The following ODAD2 variants were observed in gnomAD, a reference collection of about 807,000 sequenced individuals.
ODAD2 encodes the protein outer dynein arm docking complex subunit 2.
ODAD2 carries 89 observed loss-of-function variants against 106.8 expected under a neutral mutation model. The observed-to-expected ratio is 0.83, with a 90% CI of 0.70 to 0.99. The LOEUF is 0.99. ODAD2 is among the 50% of genes least tolerant of loss of function. The pLI, the probability that ODAD2 is intolerant of heterozygous loss-of-function variation, is 0.00. For missense variants in ODAD2, 1,168 were observed against 1,238.5 expected, an observed-to-expected ratio of 0.94 and a Z score of 0.85; for synonymous variants, 404 against 436.2, an observed-to-expected ratio of 0.93 and a Z score of 0.92.
chr10:27,921,046 G>A lies in ODAD2; in HGVS notation c.2496-13269C>T, dbSNP rs1931890. Among the ~76,000 whole-genome samples the A allele has an allele frequency of 3.0e-3, 459 of 152,246 alleles. 5 individuals are homozygous for A. The highest frequency in any genetic ancestry group is 0.011 in the African/African-American group (446 of 41,532). On this transcript the variant is annotated intron_variant, in intron 16 of 19. Coordinates refer to ENST00000305242, the MANE Select transcript of ODAD2 (RefSeq NM_018076.5). The stretch of plus-strand genomic sequence containing the variant: ...GTCCAACAAATGTTTACTTTACAAC[G>A]TGTGGAAGGAAAATATTTTGTAAGA...
At chr10:27,931,938 T>A (rs550758196) in intron 16 of ODAD2, among the ~76,000 whole-genome samples, 2 of 151,860 alleles carry the variant, frequency 1.3e-5, no homozygotes, top group East Asian at 3.9e-4. Context: ...AAATCAAAAG[T>A]GCATTTAATA....
At chr10:27,981,724 G>A in intron 6 of ODAD2, 142 bp from the exon 7 acceptor site, 1 of 584,592 alleles carries the variant, frequency 1.7e-6, no homozygotes. Flanking sequence ...AAATGTATAG[G>A]CAAAATCCTT....
At chr10:27,885,102 G>C (rs1443375877) in intron 17 of ODAD2, among the ~76,000 whole-genome samples, 1 of 151,778 alleles carries the variant, frequency 6.6e-6, no homozygotes. Flanking sequence ...AGACTTACTA[G>C]ACAAAGATGT....
At chr10:27,871,422 T>A (rs1158051919) in intron 17 of ODAD2, among the ~76,000 whole-genome samples, 1 of 152,246 alleles carries the variant, frequency 6.6e-6, no homozygotes, top group Non-Finnish European at 1.5e-5. Flanking sequence ...AGACATGAAG[T>A]CCTTGCCCAT....
At chr10:27,881,481 T>G (rs540987126) in intron 17 of ODAD2, among the ~76,000 whole-genome samples, 1 of 150,744 alleles carries the variant, frequency 6.6e-6, no homozygotes, top group African/African-American at 2.4e-5. Context: ...AAAAAAAAAA[T>G]TAAAAATTAA....
Position 27,812,542 on chromosome 10 carries a change from A to T in ODAD2, c.3105T>A (p.Ala1035=). ...TGTATCTTGCCTTCTCTGTAGCAAG[A>T]GCCAGCCTGCGGATATTGGATATAC... The part of the protein sequence containing the change: ...AGCISNIRRL[A]LATEKARYT The change falls in exon 20 of 20, where the codon GCT becomes GCA. Residue 1035 remains alanine, a synonymous_variant. Coordinates refer to ENST00000305242, the MANE Select transcript of ODAD2 (RefSeq NM_018076.5). 6.2e-7 allele frequency: 1 copy of T among 1,613,356 alleles called. No homozygotes were observed. Among genetic ancestry groups the T allele is most frequent in the Non-Finnish European group, 8.5e-7 (1 of 1,179,836 alleles).
At chr10:27,909,106 T>C (rs932848102) in intron 16 of ODAD2, among the ~76,000 whole-genome samples, 31 of 152,226 alleles carry the variant, frequency 2.0e-4, no homozygotes, top group African/African-American at 7.5e-4. Context: ...CTGCCTTCCA[T>C]ATGCTACTTA....
At chr10:27,859,775 C>T (rs1839913497) in intron 19 of ODAD2, among the ~76,000 whole-genome samples, 1 of 152,134 alleles carries the variant, frequency 6.6e-6, no homozygotes, top group Non-Finnish European at 1.5e-5. Context: ...AGTTGGTTTG[C>T]AATGTGTAGG....
intron 19 of ODAD2, among the ~76,000 whole-genome samples, chr10:27,832,568 C>T (rs1202196207): frequency 1.3e-5 from 2 of 152,088 alleles, no homozygotes; most frequent in Non-Finnish European, 2.9e-5. Flanking sequence ...TTTTCAATTA[C>T]TTTGGTATAG....
intron 16 of ODAD2, among the ~76,000 whole-genome samples, chr10:27,932,206 G>C (rs1047211827): frequency 6.6e-6 from 1 of 152,212 alleles, no homozygotes; most frequent in Non-Finnish European, 1.5e-5. Context: ...AAAGTACTGG[G>C]ATTACAGATG....
chr10:27,864,034 T>C (rs2133358319), intron 17 of ODAD2, among the ~76,000 whole-genome samples: 1 of 152,158 alleles, frequency 6.6e-6, no homozygotes, highest in East Asian at 1.9e-4. Context: ...TTTTTTATCT[T>C]AGAAGATTTC....
chr10:27,921,805 G>T (rs1488320045), intron 16 of ODAD2, among the ~76,000 whole-genome samples: 2 of 147,324 alleles, frequency 1.4e-5, no homozygotes, highest in African/African-American at 4.9e-5. Flanking sequence ...TCAAAAAAAT[G>T]TTATGAAGCA....
In ODAD2 at chr10:27,862,556, C is replaced by T; in HGVS notation, c.2677G>A (p.Asp893Asn). ...LELIVNLLKS[D>N]NKEVLASVCA... ...ACACTTGCCAGAACTTCTTTGTTAT[C>T]TGATTTCAGTAAATTGACAATAAGT... The change falls in exon 18 of 20, where the codon GAT becomes AAT. Residue 893 changes from aspartate to asparagine, a missense_variant. By Grantham distance (23) the Asp-to-Asn change is conservative (BLOSUM62 1). Around this residue, in one of 3 missense-constraint regions of ODAD2, gnomAD observed 701 missense variants for 712.3 expected, o/e 0.98. Transcript: ENST00000305242. The T allele has an allele frequency of 1.9e-6, 3 of 1,611,012 alleles. No individual in the cohort carries two copies. Among genetic ancestry groups the T allele is most frequent in the Non-Finnish European group, 2.5e-6 (3 of 1,178,666 alleles).
chr10:27,935,355 T>G, intron 15 of ODAD2, 103 bp from the exon 16 acceptor site: 1 of 1,404,082 alleles, frequency 7.1e-7, no homozygotes, highest in East Asian at 2.4e-5. Flanking sequence ...GATACAGATA[T>G]TATTAAATCC....
At chr10:27,898,627 C>G (rs1179916644) in intron 17 of ODAD2, among the ~76,000 whole-genome samples, 1 of 152,096 alleles carries the variant, frequency 6.6e-6, no homozygotes, top group Non-Finnish European at 1.5e-5. Context: ...ATTTCTTTCC[C>G]TGTAAACAAT....
intron 19 of ODAD2, among the ~76,000 whole-genome samples, chr10:27,859,817 G>C (rs1839916217): frequency 6.6e-6 from 1 of 152,086 alleles, no homozygotes; most frequent in Non-Finnish European, 1.5e-5. Context: ...AAACTTTCCT[G>C]TCTACTGATG....
intron 16 of ODAD2, among the ~76,000 whole-genome samples, chr10:27,916,997 T>G (rs1388653377): frequency 2.6e-5 from 4 of 152,116 alleles, no homozygotes; most frequent in Non-Finnish European, 5.9e-5. Flanking sequence ...TAAAAAATGA[T>G]AAAGATAGAA....
At chr10:27,887,853 A>G (rs566917301) in intron 17 of ODAD2, among the ~76,000 whole-genome samples, 1 of 152,188 alleles carries the variant, frequency 6.6e-6, no homozygotes, top group East Asian at 1.9e-4. Flanking sequence ...AAAAGTGGGA[A>G]GACCCAAATA....
chr10:27,891,697 T>C (rs1175701856), intron 17 of ODAD2, among the ~76,000 whole-genome samples: 6 of 152,028 alleles, frequency 3.9e-5, no homozygotes, highest in Non-Finnish European at 8.8e-5. Context: ...TAAAAACTCA[T>C]TAATGAAAGG....
Sources: gnomAD v4.1 joint callset for allele counts (sites outside exome capture counted in the v4.1 genomes callset) on GRCh38, gnomAD v4.1.1 for gene constraint, gnomAD v4.1.1 regional missense constraint, MANE v1.5 for transcripts, NCBI Gene and HGNC (gene_info 2026-07-23, HGNC 2026-07-21) for gene names.